ELOVL4: variants seen among roughly 807,000 people sequenced by gnomAD.
ELOVL4 encodes the protein ELOVL fatty acid elongase 4.
Under a neutral mutation model 42.1 loss-of-function variants are expected in ELOVL4, and 18 were observed. The ratio of observed to expected loss-of-function variants is 0.43; its 90% confidence interval spans 0.30 to 0.63. The LOEUF is 0.63. ELOVL4 is among the 30% of genes least tolerant of loss of function. The pLI, the probability that ELOVL4 is intolerant of heterozygous loss-of-function variation, is 0.15. For synonymous variants in ELOVL4, 117 were observed against 127.0 expected (o/e 0.92, Z 0.53); for missense variants, 299 against 376.2 (o/e 0.79, Z 1.70).
intron 4 of ELOVL4, 101 bp downstream of exon 4, chr6:79,921,524 A>G: frequency 1.1e-6 from 1 of 893,600 alleles, no homozygotes; most frequent in Non-Finnish European, 1.8e-6. Flanking sequence ...CATGAAAGCA[A>G]GTTAAATGGT....
chr6:79,937,096 G>A (rs564146202), intron 1 of ELOVL4, among the ~76,000 whole-genome samples: 2 of 152,260 alleles, frequency 1.3e-5, no homozygotes, highest in East Asian at 3.9e-4. Flanking sequence ...GCAGACAGGA[G>A]GGAACAGAGA....
chr6:79,928,727 G>GTTTTTTTTTTT lies in ELOVL4; in HGVS notation c.101-2357_101-2347dup, dbSNP rs34673896. On this transcript the variant is annotated intron_variant, in intron 1 of 5. Transcript: ENST00000369816. ...TACCAGTAAGTAGACTGGTGACTGGGTTTTTTTTTTTTTTTTTTTTTTTTT... is the reference window on the plus strand; with the variant it reads ...TACCAGTAAGTAGACTGGTGACTGGGTTTTTTTTTTTTTTTTTTTTTTTTTTTTTTTTTTTT... Among the ~76,000 whole-genome samples, 5 of 75,608 alleles carry GTTTTTTTTTTT rather than the reference G, an allele frequency of 6.6e-5. 1 individual carries two copies. Among genetic ancestry groups the GTTTTTTTTTTT allele is most frequent in the African/African-American group, 3.2e-4 (5 of 15,720 alleles). 49.6% of individuals were successfully genotyped at this position (75,608 alleles called of 152,430 possible).
intron 1 of ELOVL4, among the ~76,000 whole-genome samples, chr6:79,938,155 C>G (rs933623219): frequency 6.6e-6 from 1 of 152,220 alleles, no homozygotes; most frequent in Non-Finnish European, 1.5e-5. Context: ...AATGTTGCCT[C>G]GTTTCCTGGA....
chr6:79,944,574 G>A (rs145572741), intron 1 of ELOVL4, among the ~76,000 whole-genome samples: 19 of 152,184 alleles, frequency 1.2e-4, no homozygotes, highest in African/African-American at 2.6e-4. Context: ...ACCATATTTT[G>A]TATTTGCTAC....
At chr6:79,933,665 A>G (rs1356355241) in intron 1 of ELOVL4, among the ~76,000 whole-genome samples, 1 of 152,156 alleles carries the variant, frequency 6.6e-6, no homozygotes, top group African/African-American at 2.4e-5. Flanking sequence ...CCCATGTAAG[A>G]ATCATGTGCT....
chr6:79,919,281 G>A (rs1774210607), intron 5 of ELOVL4, 139 bp downstream of exon 5: 2 of 910,988 alleles, frequency 2.2e-6, no homozygotes, highest in East Asian at 2.6e-5. Context: ...AGTCAAGTGG[G>A]CATAACTGCG....
chr6:79,946,272 G>A (rs1268474247), intron 1 of ELOVL4, among the ~76,000 whole-genome samples: 1 of 152,192 alleles, frequency 6.6e-6, no homozygotes, highest in African/African-American at 2.4e-5. Flanking sequence ...AAAATCAAAA[G>A]CAGCGAAGCA....
At chr6:79,933,011 A>G (rs1357394230) in intron 1 of ELOVL4, among the ~76,000 whole-genome samples, 2 of 152,230 alleles carry the variant, frequency 1.3e-5, no homozygotes, top group Non-Finnish European at 2.9e-5. Context: ...TAAGCAAATG[A>G]GAATATCTGA....
In ELOVL4 at chr6:79,921,459, CAAAAAAAAAAAAAAAA is replaced by C. The variant is rs1168483827; in HGVS notation, c.541+150_541+165del. 1.7e-4 allele frequency among the ~76,000 whole-genome samples: 7 copies of C among 42,368 alleles called. No homozygotes were observed. In the Admixed American group the frequency reaches 2.2e-3, roughly 13 times the overall value. The allele number at this position is 42,368 out of a possible 152,430, so 27.8% of individuals were successfully genotyped here. A position where few individuals can be genotyped will look rare whatever the true frequency, so the allele number is the denominator to read the frequency against. On this transcript the variant is annotated intron_variant, in intron 4 of 5. Coordinates refer to ENST00000369816, the MANE Select transcript of ELOVL4 (RefSeq NM_022726.4). The stretch of plus-strand genomic sequence containing the variant: ...CTGGTGACAGAGCGAGACTCCATCT[CAAAAAAAAAAAAAAAA>C]AAAAAAAAAAAAAAGAAATGAACAT...
Sources: allele counts gnomAD v4.1 joint callset (sites outside exome capture counted in the v4.1 genomes callset), GRCh38; gene constraint gnomAD v4.1.1; transcripts MANE v1.5; gene names NCBI Gene and HGNC (gene_info 2026-07-23, HGNC 2026-07-21).